Variants in ARHGAP31 observed in about 807,000 individuals in gnomAD.
The protein encoded by ARHGAP31 is Rho GTPase activating protein 31, also known as rho GTPase-activating protein 31.
ARHGAP31 carries 34 observed loss-of-function variants against 113.9 expected under a neutral mutation model. The ratio of observed to expected loss-of-function variants is 0.30; its 90% CI spans 0.23 to 0.40. The LOEUF is 0.40. Among genes scored for constraint, ARHGAP31 ranks in the 10% least tolerant of loss-of-function variants. The probability of loss-of-function intolerance (pLI) is 1.00; values close to 1 mark genes in which losing one functional copy is unlikely to be tolerated. For synonymous variants in ARHGAP31, 650 were observed against 684.8 expected (o/e 0.95, Z 0.79); for missense variants, 1,548 against 1,767.1 (o/e 0.88, Z 2.22).
intron 1 of ARHGAP31, among the ~76,000 whole-genome samples, chr3:119,333,770 T>C (rs889274222): frequency 6.6e-6 from 1 of 152,236 alleles, no homozygotes; most frequent in Admixed American, 6.5e-5. Context: ...TTCCTTTCTT[T>C]TCACCATGCT....
intron 11 of ARHGAP31, among the ~76,000 whole-genome samples, chr3:119,410,555 CT>C (rs1191829761): frequency 1.3e-5 from 2 of 152,156 alleles, no homozygotes; most frequent in African/African-American, 4.8e-5. Flanking sequence ...GCTAGGGTCT[CT>C]ATAAGATATA....
chr3:119,374,731 A>G (rs1160614532), intron 3 of ARHGAP31, among the ~76,000 whole-genome samples: 1 of 152,146 alleles, frequency 6.6e-6, no homozygotes. Flanking sequence ...ACCTTCTGCC[A>G]TGATTATGTT....
intron 1 of ARHGAP31, among the ~76,000 whole-genome samples, chr3:119,334,673 A>G (rs1375519300): frequency 6.6e-6 from 1 of 152,264 alleles, no homozygotes; most frequent in Non-Finnish European, 1.5e-5. Context: ...TCCAGGTTGT[A>G]GTCAACCTGA....
At chr3:119,315,474 C>G (rs2079721356) in intron 1 of ARHGAP31, among the ~76,000 whole-genome samples, 1 of 152,198 alleles carries the variant, frequency 6.6e-6, no homozygotes, top group African/African-American at 2.4e-5. Context: ...ACGATGATCA[C>G]CTTCTAGTGA....
intron 1 of ARHGAP31, among the ~76,000 whole-genome samples, chr3:119,338,682 A>T (rs1450499527): frequency 2.6e-5 from 4 of 152,196 alleles, no homozygotes; most frequent in Admixed American, 2.6e-4. Flanking sequence ...ATTTTATTCA[A>T]GTTAAGCTTG....
intron 1 of ARHGAP31, among the ~76,000 whole-genome samples, chr3:119,337,487 G>A (rs866284990): frequency 6.6e-6 from 1 of 152,158 alleles, no homozygotes; most frequent in South Asian, 2.1e-4. Flanking sequence ...AAAGAACAAA[G>A]CTTCCACAAT....
At chr3:119,355,365 A>T (rs760992021) in intron 1 of ARHGAP31, among the ~76,000 whole-genome samples, 52 of 152,188 alleles carry the variant, frequency 3.4e-4, no homozygotes, top group Non-Finnish European at 6.6e-4. Context: ...ACACTTAGTA[A>T]CTATTTTCTT....
intron 4 of ARHGAP31, 45 bp from the exon 5 acceptor site, chr3:119,382,247 C>T (rs769800266): frequency 1.6e-5 from 24 of 1,536,702 alleles, no homozygotes; most frequent in South Asian, 2.2e-5. Context: ...AGGCTTCACA[C>T]GGGCACTGAA....
chr3:119,370,001 A>T (rs1460115270), intron 3 of ARHGAP31, among the ~76,000 whole-genome samples: 5 of 152,218 alleles, frequency 3.3e-5, no homozygotes, highest in Admixed American at 3.3e-4. Flanking sequence ...CACATTAAAA[A>T]ATGGGCATAA....
chr3:119,341,447 A>G (rs12486987), intron 1 of ARHGAP31, among the ~76,000 whole-genome samples: 61,071 of 152,064 alleles, frequency 0.4, 14,366 homozygotes, highest in African/African-American at 0.67. Context: ...CTGTGAGGGA[A>G]TTACTATTAT....
intron 1 of ARHGAP31, among the ~76,000 whole-genome samples, chr3:119,331,524 A>G (rs2079891486): frequency 6.6e-6 from 1 of 152,206 alleles, no homozygotes; most frequent in Non-Finnish European, 1.5e-5. Flanking sequence ...TGAGGGAAGA[A>G]GGTGTATATA....
At chr3:119,322,577 T>A in intron 1 of ARHGAP31, 1 of 153,406 alleles carries the variant, frequency 6.5e-6, no homozygotes, top group Non-Finnish European at 1.5e-5. Flanking sequence ...TTGCTCCCAC[T>A]CCCACCGCTC....
At chr3:119,365,917 A>G (rs2080249542) in intron 2 of ARHGAP31, among the ~76,000 whole-genome samples, 1 of 152,116 alleles carries the variant, frequency 6.6e-6, no homozygotes, top group Non-Finnish European at 1.5e-5. Context: ...TTTAAAAATT[A>G]CTGATGGGTG....
At chr3:119,317,209 C>T (rs557539120) in intron 1 of ARHGAP31, among the ~76,000 whole-genome samples, 26 of 150,714 alleles carry the variant, frequency 1.7e-4, no homozygotes, top group African/African-American at 4.2e-4. Context: ...GACGGAGTCT[C>T]GCTCTGTCGC....
intron 1 of ARHGAP31, among the ~76,000 whole-genome samples, chr3:119,353,254 C>T (rs1349973265): frequency 2.0e-5 from 3 of 152,184 alleles, no homozygotes; most frequent in Admixed American, 2.0e-4. Flanking sequence ...TCTCTAAAAA[C>T]GCACACAATT....
At chr3:119,345,855 C>T (rs2080051613) in intron 1 of ARHGAP31, among the ~76,000 whole-genome samples, 1 of 152,144 alleles carries the variant, frequency 6.6e-6, no homozygotes, top group South Asian at 2.1e-4. Flanking sequence ...ATCTCTGGGA[C>T]ATAAAAAGGT....
At chr3:119,321,000 A>C (rs1295945626) in intron 1 of ARHGAP31, among the ~76,000 whole-genome samples, 1 of 152,112 alleles carries the variant, frequency 6.6e-6, no homozygotes, top group African/African-American at 2.4e-5. Context: ...TTAATCTTCC[A>C]CCATGACTTG....
intron 1 of ARHGAP31, among the ~76,000 whole-genome samples, chr3:119,302,652 A>T (rs535462286): frequency 6.6e-6 from 1 of 152,384 alleles, no homozygotes; most frequent in East Asian, 1.9e-4. Flanking sequence ...ACAAAAGAGA[A>T]AACTGAGTGA....
At chr3:119,324,822 A>G in intron 1 of ARHGAP31, 1 of 428,604 alleles carries the variant, frequency 2.3e-6, no homozygotes, top group South Asian at 1.7e-5. Context: ...ATAACTTTTA[A>G]TGGACGACTC....
Sources: gnomAD v4.1 joint callset for allele counts (sites outside exome capture counted in the v4.1 genomes callset) on GRCh38, gnomAD v4.1.1 for gene constraint, MANE v1.5 for transcripts, NCBI Gene and HGNC (gene_info 2026-07-23, HGNC 2026-07-21) for gene names.